CSMD1: variants seen among roughly 807,000 people sequenced by gnomAD.
CSMD1 encodes CUB and sushi domain-containing protein 1.
A neutral mutation model predicts 417.5 loss-of-function variants in CSMD1; 213 were observed. That is an observed-to-expected ratio of 0.51 (90% CI 0.46 to 0.57). The LOEUF is 0.57. Ranked by LOEUF, CSMD1 falls within the 20% of genes least tolerant of loss-of-function variation. CSMD1 has a pLI of 0.00. For missense variants in CSMD1, 6,923 were observed against 4,529.7 expected (o/e 1.53, Z -15.17); for synonymous variants, 2,862 against 1,736.8 (o/e 1.65, Z -16.11).
chr8:4,148,589 T>C (rs1302929800), intron 3 of CSMD1, among the ~76,000 whole-genome samples: 6 of 152,130 alleles, frequency 3.9e-5, no homozygotes, highest in Admixed American at 6.5e-5. Context: ...AGACCAGCTG[T>C]CTGGTCTGGT....
intron 5 of CSMD1, among the ~76,000 whole-genome samples, chr8:3,806,033 A>G (rs1341148278): frequency 6.6e-6 from 1 of 152,184 alleles, no homozygotes; most frequent in Admixed American, 6.5e-5. Context: ...TTCATTGCAC[A>G]TTAACTTCTT....
At chr8:4,338,487 C>T (rs1487163756) in intron 3 of CSMD1, among the ~76,000 whole-genome samples, 1 of 152,084 alleles carries the variant, frequency 6.6e-6, no homozygotes, top group Non-Finnish European at 1.5e-5. Flanking sequence ...GGCAAATCTA[C>T]CTCGGGATAT....
At chr8:4,075,096 C>G (rs1004534756) in intron 3 of CSMD1, among the ~76,000 whole-genome samples, 2 of 151,968 alleles carry the variant, frequency 1.3e-5, no homozygotes, top group East Asian at 1.9e-4. Context: ...TATTATTAGA[C>G]AAAGAACAAA....
intron 6 of CSMD1, among the ~76,000 whole-genome samples, chr8:3,734,598 C>G (rs1195025818): frequency 1.3e-5 from 2 of 152,178 alleles, no homozygotes; most frequent in Admixed American, 6.5e-5. Flanking sequence ...ATAATCCCAA[C>G]TACTCGGGAG....
intron 64 of CSMD1, among the ~76,000 whole-genome samples, chr8:2,955,177 A>G (rs1239486044): frequency 3.3e-5 from 5 of 152,226 alleles, no homozygotes; most frequent in African/African-American, 1.2e-4. Flanking sequence ...TAAAAATAAG[A>G]CAGAGTTTCA....
chr8:3,720,625 A>T (rs1011430802), intron 6 of CSMD1, among the ~76,000 whole-genome samples: 47 of 142,822 alleles, frequency 3.3e-4, no homozygotes, highest in South Asian at 1.1e-3. Flanking sequence ...ATTCTTACAC[A>T]CACACACACA....
intron 3 of CSMD1, among the ~76,000 whole-genome samples, chr8:4,402,775 G>A (rs1412490295): frequency 6.9e-6 from 1 of 144,364 alleles, no homozygotes. Context: ...CCTTGATGCT[G>A]TGAGTATAAT....
At chr8:4,728,845 C>G (rs1809647909) in intron 1 of CSMD1, among the ~76,000 whole-genome samples, 2 of 151,912 alleles carry the variant, frequency 1.3e-5, no homozygotes, top group Non-Finnish European at 1.5e-5. Context: ...AAGCTGGCAT[C>G]TACTGAGATT....
intron 25 of CSMD1, among the ~76,000 whole-genome samples, chr8:3,291,267 G>T (rs969539337): frequency 6.6e-6 from 1 of 152,272 alleles, no homozygotes; most frequent in South Asian, 2.1e-4. Context: ...GTTCATAAGG[G>T]ATATTGGTCT....
At chr8:4,709,370 G>C (rs958330686) in intron 1 of CSMD1, among the ~76,000 whole-genome samples, 1 of 152,130 alleles carries the variant, frequency 6.6e-6, no homozygotes, top group African/African-American at 2.4e-5. Context: ...ATGTCCCATT[G>C]TGTGCAGCAA....
chr8:4,160,390 G>T (rs778794284), intron 3 of CSMD1, among the ~76,000 whole-genome samples: 3 of 152,104 alleles, frequency 2.0e-5, no homozygotes, highest in African/African-American at 7.2e-5. Flanking sequence ...GTGTTATGTT[G>T]ACATATATAT....
intron 1 of CSMD1, among the ~76,000 whole-genome samples, chr8:4,732,775 T>A (rs775740583): frequency 4.6e-5 from 7 of 152,200 alleles, no homozygotes; most frequent in Admixed American, 6.5e-5. Flanking sequence ...TAGCTCTAAT[T>A]GTGCCCAAAT....
At chr8:4,971,874 T>A (rs551910257) in intron 1 of CSMD1, among the ~76,000 whole-genome samples, 1 of 152,180 alleles carries the variant, frequency 6.6e-6, no homozygotes, top group East Asian at 1.9e-4. Context: ...TGTAATCCCC[T>A]TTTAGCTCAG....
chr8:3,304,104 G>A (rs1252385655), intron 25 of CSMD1, among the ~76,000 whole-genome samples: 1 of 152,084 alleles, frequency 6.6e-6, no homozygotes, highest in African/African-American at 2.4e-5. Context: ...TATTTTCCAA[G>A]ATCCGGCTGT....
chr8:4,040,862 G>A (rs1314916749), intron 3 of CSMD1, among the ~76,000 whole-genome samples: 3 of 152,102 alleles, frequency 2.0e-5, no homozygotes, highest in Admixed American at 6.5e-5. Context: ...TAAAAATGCT[G>A]TTGCAAGATA....
At chr8:4,966,749 T>C (rs897028130) in intron 1 of CSMD1, among the ~76,000 whole-genome samples, 1 of 152,224 alleles carries the variant, frequency 6.6e-6, no homozygotes, top group East Asian at 1.9e-4. Context: ...AAATTGGATT[T>C]AACATGTGTC....
intron 25 of CSMD1, among the ~76,000 whole-genome samples, chr8:3,307,093 T>TGCTTCTCTTCCTATTAAAAGA (rs1563252830): frequency 2.6e-5 from 4 of 152,030 alleles, no homozygotes; most frequent in Non-Finnish European, 4.4e-5. Context: ...AAATATGACT[T>TGCTTCTCTTCCTATTAAAAGA]TGCTTCTCTT....
At chr8:4,381,804 T>C (rs1323034107) in intron 3 of CSMD1, among the ~76,000 whole-genome samples, 1 of 152,220 alleles carries the variant, frequency 6.6e-6, no homozygotes, top group Non-Finnish European at 1.5e-5. Context: ...TTTCTGCTGA[T>C]GACTTAGTTT....
At chr8:4,016,096 G>C (rs1053650350) in intron 4 of CSMD1, among the ~76,000 whole-genome samples, 14 of 152,084 alleles carry the variant, frequency 9.2e-5, no homozygotes, top group Admixed American at 2.6e-4. Context: ...TATTTACCAG[G>C]AAATTTTGGG....
Sources: allele counts gnomAD v4.1 joint callset (sites outside exome capture counted in the v4.1 genomes callset), GRCh38; gene constraint gnomAD v4.1.1; transcripts MANE v1.5; gene names NCBI Gene and HGNC (gene_info 2026-07-23, HGNC 2026-07-21).